Variants in CBLB observed in about 807,000 individuals in gnomAD.
The protein encoded by CBLB is E3 ubiquitin-protein ligase CBL-B.
Under a neutral mutation model 104.9 loss-of-function variants are expected in CBLB, and 31 were observed. That is an observed-to-expected ratio of 0.30 (90% CI 0.22 to 0.40). The LOEUF (loss-of-function observed/expected upper bound fraction) is 0.40, where lower values mean the gene tolerates loss of function less well. Ranked by LOEUF, CBLB falls within the 10% of genes least tolerant of loss-of-function variation. CBLB has a pLI of 1.00. For missense variants in CBLB, 1,062 were observed against 1,214.6 expected (o/e 0.87, Z 1.87); for synonymous variants, 440 against 422.6 (o/e 1.04, Z -0.51).
chr3:105,742,294 T>C (rs2075682661), intron 6 of CBLB, among the ~76,000 whole-genome samples: 1 of 152,238 alleles, frequency 6.6e-6, no homozygotes, highest in African/African-American at 2.4e-5. Flanking sequence ...TAAATGTAAC[T>C]TGAAAGATAT....
chr3:105,726,468 A>C (rs9872290), intron 9 of CBLB, among the ~76,000 whole-genome samples: 150,121 of 152,202 alleles, frequency 0.99, 74,072 homozygotes, highest in East Asian at 1. Flanking sequence ...ACAAAGATAT[A>C]CATTTTTATT....
chr3:105,710,948 A>T (rs1465003529), intron 10 of CBLB, among the ~76,000 whole-genome samples: 2 of 151,962 alleles, frequency 1.3e-5, no homozygotes, highest in African/African-American at 4.8e-5. Flanking sequence ...AGCCCATCTC[A>T]CTATGTTCAG....
chr3:105,734,767 GC>G (rs1349096476), intron 8 of CBLB, among the ~76,000 whole-genome samples: 1 of 152,144 alleles, frequency 6.6e-6, no homozygotes, highest in Non-Finnish European at 1.5e-5. Context: ...TCTAAATTAA[GC>G]CTCTGACTAA....
intron 8 of CBLB, among the ~76,000 whole-genome samples, chr3:105,735,876 G>A (rs997271698): frequency 2.6e-5 from 4 of 152,142 alleles, no homozygotes; most frequent in African/African-American, 7.2e-5. Flanking sequence ...AACCCAGAGG[G>A]CAGAGGTTGT....
intron 10 of CBLB, 62 bp downstream of exon 10, chr3:105,719,985 C>T (rs9657908): frequency 3.4e-4 from 415 of 1,210,438 alleles, no homozygotes; most frequent in Non-Finnish European, 4.7e-4. Context: ...CCATTTATGA[C>T]GGCATCATTT....
rs544527984 is a variant in CBLB, at chr3:105,762,769, C to A, written c.567-11151G>T. 2.0e-5 allele frequency among the ~76,000 whole-genome samples: 3 copies of A among 152,314 alleles called. No homozygotes were observed. In the South Asian group the frequency reaches 6.2e-4, roughly 32 times the overall value. On this transcript the variant is annotated intron_variant, in intron 4 of 18. Coordinates refer to ENST00000394030, the MANE Select transcript of CBLB (RefSeq NM_170662.5). ...GTGGGAGGGAAATGTGGGGCTGAAGCCCCCACACAGAGTCTCCACTGGGGC... is the reference window on the plus strand; with the variant it reads ...GTGGGAGGGAAATGTGGGGCTGAAGACCCCACACAGAGTCTCCACTGGGGC...
intron 17 of CBLB, among the ~76,000 whole-genome samples, chr3:105,674,536 G>A (rs1559769292): frequency 6.6e-6 from 1 of 152,184 alleles, no homozygotes; most frequent in Non-Finnish European, 1.5e-5. Context: ...CAAAAACACT[G>A]TATTTTGTGC....
rs372869723 is a variant in CBLB at position 105,790,832 on chromosome 3, T to C, written c.420-14290A>G. ...ACTACAGGGATAGAAGTGATGTGTA[T>C]TCAGGAAAGAGGCTGATAGGGGAGC... On this transcript the variant is annotated intron_variant, in intron 3 of 18. Coordinates refer to ENST00000394030, the MANE Select transcript of CBLB (RefSeq NM_170662.5). 9.2e-5 allele frequency among the ~76,000 whole-genome samples: 14 copies of C among 152,218 alleles called. No individual in the cohort carries two copies. The South Asian group carries it at 2.9e-3, about 32-fold the overall frequency.
chr3:105,792,323 C>T (rs1244382545), intron 3 of CBLB, among the ~76,000 whole-genome samples: 1 of 152,144 alleles, frequency 6.6e-6, no homozygotes, highest in Non-Finnish European at 1.5e-5. Context: ...TGTCCCAAAC[C>T]ACATATCTAT....
chr3:105,805,857 T>C (rs2083432276), intron 3 of CBLB, among the ~76,000 whole-genome samples: 1 of 151,670 alleles, frequency 6.6e-6, no homozygotes, highest in Non-Finnish European at 1.5e-5. Flanking sequence ...CCTTGAATTA[T>C]ATTCACGTAT....
rs367694066 is a variant in CBLB at position 105,806,032 on chromosome 3, A to G, written c.420-29490T>C. Among the ~76,000 whole-genome samples the G allele has an allele frequency of 3.1e-4, 47 of 152,262 alleles. No individual in the cohort carries two copies. The East Asian group carries it at 8.1e-3, about 26-fold the overall frequency. The stretch of plus-strand genomic sequence containing the variant: ...AGTGCCTATTCCTCCCATGGTCTAC[A>G]TATGGGGAACTCTACAGAAGAAAAG... On this transcript the variant is annotated intron_variant, in intron 3 of 18. Transcript: ENST00000394030.
intron 3 of CBLB, among the ~76,000 whole-genome samples, chr3:105,780,671 T>TG (rs2080141551): frequency 8.4e-6 from 1 of 118,662 alleles, no homozygotes; most frequent in South Asian, 2.7e-4. Context: ...TTTTTTTTTT[T>TG]TTTTTTTTTG....
intron 11 of CBLB, among the ~76,000 whole-genome samples, chr3:105,703,055 C>G (rs1246697388): frequency 6.6e-6 from 1 of 152,082 alleles, no homozygotes; most frequent in East Asian, 1.9e-4. Context: ...TTTATGAATT[C>G]TTACAGTATT....
rs115794587 is a variant in CBLB at position 105,848,866 on chromosome 3, A to T, written c.419+4548T>A. ...CCCAGTAACCAGCGTTGTCATACCGATTAGGTGGAGTCATTCTACTAAACC... is the reference window on the plus strand; with the variant it reads ...CCCAGTAACCAGCGTTGTCATACCGTTTAGGTGGAGTCATTCTACTAAACC... On this transcript the variant is annotated intron_variant, in intron 3 of 18. Transcript: ENST00000394030. Among the ~76,000 whole-genome samples the T allele has an allele frequency of 4.1e-3, 631 of 152,228 alleles. 5 individuals are homozygous for T. The highest frequency in any genetic ancestry group is 0.015 in the African/African-American group (610 of 41,566).
chr3:105,746,078 A>T, intron 5 of CBLB, 40 bp from the exon 6 acceptor site: 1 of 1,334,880 alleles, frequency 7.5e-7, no homozygotes. Flanking sequence ...GTATCTAGAG[A>T]ATATCAAATA....
chr3:105,664,720 G>A (rs942651681), intron 18 of CBLB, among the ~76,000 whole-genome samples: 2 of 152,076 alleles, frequency 1.3e-5, no homozygotes, highest in Non-Finnish European at 2.9e-5. Context: ...GATCGATTTC[G>A]CTCATGTGAA....
At chr3:105,817,791 T>C (rs992069545) in intron 3 of CBLB, among the ~76,000 whole-genome samples, 14 of 152,208 alleles carry the variant, frequency 9.2e-5, no homozygotes, top group African/African-American at 3.4e-4. Context: ...TTCAGGTTAA[T>C]GTGAGAAAGA....
At chr3:105,663,000 T>C (rs1482553260) in intron 18 of CBLB, among the ~76,000 whole-genome samples, 4 of 151,238 alleles carry the variant, frequency 2.6e-5, no homozygotes, top group Admixed American at 2.6e-4. Flanking sequence ...CTGTTACTAC[T>C]TGAGACCGTC....
intron 3 of CBLB, among the ~76,000 whole-genome samples, chr3:105,780,625 T>C (rs2080078348): frequency 6.6e-6 from 1 of 151,482 alleles, no homozygotes; most frequent in African/African-American, 2.4e-5. Context: ...ATTTTGTTTG[T>C]AATAAATAAT....
Sources: gnomAD v4.1 joint callset for allele counts (sites outside exome capture counted in the v4.1 genomes callset) on GRCh38, gnomAD v4.1.1 for gene constraint, MANE v1.5 for transcripts, NCBI Gene and HGNC (gene_info 2026-07-23, HGNC 2026-07-21) for gene names.